Variants in ELMO1 observed in about 807,000 individuals in gnomAD.
ELMO1 encodes engulfment and cell motility protein 1.
In ELMO1, 26 loss-of-function variants were observed where a neutral mutation model predicts 98.9. The observed-to-expected ratio is 0.26, with a 90% CI of 0.19 to 0.36. The LOEUF (loss-of-function observed/expected upper bound fraction) is 0.36, where lower values mean the gene tolerates loss of function less well. Ranked by LOEUF, ELMO1 falls within the 10% of genes least tolerant of loss-of-function variation. ELMO1 has a pLI of 1.00. For synonymous variants in ELMO1, 346 were observed against 346.0 expected, an observed-to-expected ratio of 1.00 and a Z score of 0.00; for missense variants, 627 against 935.2, an observed-to-expected ratio of 0.67 and a Z score of 4.30.
At chr7:37,302,110 T>G (rs1294966833) in intron 4 of ELMO1, among the ~76,000 whole-genome samples, 1 of 152,196 alleles carries the variant, frequency 6.6e-6, no homozygotes, top group Non-Finnish European at 1.5e-5. Flanking sequence ...TCTTTGCCAC[T>G]CCTTCCATGG....
intron 15 of ELMO1, among the ~76,000 whole-genome samples, chr7:37,094,870 T>G (rs569197638): frequency 6.6e-6 from 1 of 152,206 alleles, no homozygotes; most frequent in Non-Finnish European, 1.5e-5. Flanking sequence ...CACAAGGCCC[T>G]AAGTAGCAGA....
At chr7:37,006,117 G>A (rs953528238) in intron 16 of ELMO1, among the ~76,000 whole-genome samples, 2 of 152,216 alleles carry the variant, frequency 1.3e-5, no homozygotes, top group Non-Finnish European at 2.9e-5. Context: ...TGGGTGGGCT[G>A]GGGAGGAGTG....
chr7:36,867,321 G>C lies in ELMO1; in HGVS notation c.1905+3072C>G, dbSNP rs577152814. On this transcript the variant is annotated intron_variant, in intron 20 of 21. Coordinates refer to ENST00000310758, the MANE Select transcript of ELMO1 (RefSeq NM_014800.11). ...TTACTTTTTTAGTCTCCTTTAAGGA[G>C]AGAGGAGTCTGATACAAGGCCAAAT... Among the ~76,000 whole-genome samples the C allele has an allele frequency of 1.5e-3, 223 of 152,278 alleles. 1 individual carries two copies. The highest frequency in any genetic ancestry group is 5.0e-3 in the African/African-American group (209 of 41,566).
chr7:36,891,733 G>C (rs557914289), intron 17 of ELMO1, among the ~76,000 whole-genome samples: 1 of 152,280 alleles, frequency 6.6e-6, no homozygotes, highest in South Asian at 2.1e-4. Context: ...CATTTTTAGA[G>C]ATGAGAAAAG....
At chr7:37,225,792 C>T (rs563146467) in intron 8 of ELMO1, among the ~76,000 whole-genome samples, 2 of 152,064 alleles carry the variant, frequency 1.3e-5, no homozygotes, top group African/African-American at 2.4e-5. Context: ...AATAATGGAT[C>T]GCAGTAATCC....
intron 1 of ELMO1, among the ~76,000 whole-genome samples, chr7:37,412,467 A>G (rs1410279441): frequency 6.6e-6 from 1 of 152,258 alleles, no homozygotes; most frequent in Non-Finnish European, 1.5e-5. Context: ...ACAGATGAAG[A>G]CATCATATAT....
intron 16 of ELMO1, among the ~76,000 whole-genome samples, chr7:36,900,414 A>G (rs1562808691): frequency 1.3e-5 from 2 of 152,228 alleles, no homozygotes; most frequent in East Asian, 3.8e-4. Flanking sequence ...GCAATGTCAA[A>G]GGCTTTTAGG....
chr7:36,933,603 T>G (rs1174225708), intron 16 of ELMO1, among the ~76,000 whole-genome samples: 11 of 152,166 alleles, frequency 7.2e-5, no homozygotes, highest in Non-Finnish European at 2.9e-5. Context: ...CAATAGGATG[T>G]GTGCAACGCT....
intron 15 of ELMO1, among the ~76,000 whole-genome samples, chr7:37,042,143 A>G (rs1479684528): frequency 1.3e-5 from 2 of 149,120 alleles, no homozygotes; most frequent in East Asian, 2.0e-4. Context: ...AAATACAAAA[A>G]CCATCCCACC....
intron 16 of ELMO1, among the ~76,000 whole-genome samples, chr7:36,913,977 T>C (rs1241453677): frequency 1.3e-5 from 2 of 152,214 alleles, no homozygotes; most frequent in Admixed American, 6.5e-5. Flanking sequence ...CAAACTGAAA[T>C]TGTGCCATAT....
At chr7:37,411,919 T>G (rs1439756846) in intron 1 of ELMO1, among the ~76,000 whole-genome samples, 1 of 152,102 alleles carries the variant, frequency 6.6e-6, no homozygotes, top group Non-Finnish European at 1.5e-5. Context: ...AAACACAGTG[T>G]TATGGTTCAG....
chr7:37,012,840 T>C (rs368537200), intron 16 of ELMO1, among the ~76,000 whole-genome samples: 14 of 152,326 alleles, frequency 9.2e-5, no homozygotes, highest in African/African-American at 3.4e-4. Flanking sequence ...TCGGGGCAGA[T>C]GATCACAACA....
chr7:37,161,937 T>TATATATA (rs1270129084), intron 13 of ELMO1, among the ~76,000 whole-genome samples: 45 of 111,598 alleles, frequency 4.0e-4, no homozygotes, highest in South Asian at 1.5e-3. Flanking sequence ...TATATATATG[T>TATATATA]TAAGCGTGAT....
chr7:37,348,834 C>A (rs1012572010), intron 1 of ELMO1, among the ~76,000 whole-genome samples: 1 of 152,144 alleles, frequency 6.6e-6, no homozygotes, highest in African/African-American at 2.4e-5. Context: ...TCTTTCGGTT[C>A]CACAAAGGTC....
At chr7:37,121,392 A>C (rs1786024974) in intron 14 of ELMO1, among the ~76,000 whole-genome samples, 1 of 152,188 alleles carries the variant, frequency 6.6e-6, no homozygotes, top group Non-Finnish European at 1.5e-5. Context: ...GATTAGACAA[A>C]TGGCTAACCA....
intron 16 of ELMO1, among the ~76,000 whole-genome samples, chr7:36,999,141 T>C (rs1399282537): frequency 6.6e-6 from 1 of 151,994 alleles, no homozygotes; most frequent in Admixed American, 6.6e-5. Flanking sequence ...GAGTGCAGGA[T>C]AGGAGAAAAG....
intron 16 of ELMO1, among the ~76,000 whole-genome samples, chr7:36,962,646 T>A (rs1789051585): frequency 7.1e-6 from 1 of 141,064 alleles, no homozygotes; most frequent in African/African-American, 2.7e-5. Flanking sequence ...TGGCTTGAGT[T>A]ATGCATCTAA....
intron 13 of ELMO1, among the ~76,000 whole-genome samples, chr7:37,150,166 G>A (rs1247380939): frequency 6.6e-6 from 1 of 152,128 alleles, no homozygotes; most frequent in Non-Finnish European, 1.5e-5. Context: ...TGACATGCTA[G>A]GGATCTGAGC....
At chr7:37,266,069 C>T (rs1278947321) in intron 5 of ELMO1, among the ~76,000 whole-genome samples, 1 of 152,134 alleles carries the variant, frequency 6.6e-6, no homozygotes, top group Non-Finnish European at 1.5e-5. Flanking sequence ...GCCCTGGCCG[C>T]CCCTGCAATC....
Sources: gnomAD v4.1 joint callset for allele counts (sites outside exome capture counted in the v4.1 genomes callset) on GRCh38, gnomAD v4.1.1 for gene constraint, MANE v1.5 for transcripts, NCBI Gene and HGNC (gene_info 2026-07-23, HGNC 2026-07-21) for gene names.